INPP5D: variants seen among roughly 807,000 people sequenced by gnomAD.
INPP5D encodes the protein inositol polyphosphate-5-phosphatase D.
INPP5D carries 33 observed loss-of-function variants against 122.9 expected under a neutral mutation model. That is an observed-to-expected ratio of 0.27 (90% CI 0.20 to 0.36). The LOEUF is 0.36. INPP5D is among the 10% of genes least tolerant of loss of function. The pLI, the probability that INPP5D is intolerant of heterozygous loss-of-function variation, is 1.00. For synonymous variants in INPP5D, 584 were observed against 576.2 expected (o/e 1.01, Z -0.19); for missense variants, 1,053 against 1,412.7 (o/e 0.75, Z 4.08).
intron 2 of INPP5D, among the ~76,000 whole-genome samples, chr2:233,102,214 TA>T (rs1692334414): frequency 6.6e-6 from 1 of 152,144 alleles, no homozygotes; most frequent in African/African-American, 2.4e-5. Context: ...TCACAAACAT[TA>T]AAAAATCGGA....
At position 233,183,209 on chromosome 2, in the gene INPP5D, T is replaced by C. The variant is rs931112011; in HGVS notation, c.2161+710T>C. 5.9e-5 allele frequency among the ~76,000 whole-genome samples: 9 copies of C among 152,172 alleles called. No homozygotes were observed. Among genetic ancestry groups the C allele is most frequent in the African/African-American group, 1.9e-4 (8 of 41,436 alleles). ...CTTGGCCTAGGTGACCAGGGAGCCA[T>C]GTTGTCTCTGCCCAGTCTCTGCTTC... is the stretch of plus-strand genomic sequence containing the variant. On this transcript the variant is annotated intron_variant, in intron 19 of 26. Coordinates refer to ENST00000445964, the MANE Select transcript of INPP5D (RefSeq NM_001017915.3). This position sits in a 1 kb window ranked among gnomAD's most constrained non-coding sequence, Gnocchi z 4.6.
chr2:233,193,696 T>C, intron 22 of INPP5D, 116 bp from the exon 23 acceptor site: 1 of 1,553,832 alleles, frequency 6.4e-7, no homozygotes, highest in Non-Finnish European at 8.8e-7. Flanking sequence ...ACGGATTTAT[T>C]AAATAACCCT....
chr2:233,092,812 G>A lies in INPP5D; in HGVS notation c.198+13414G>A, dbSNP rs538465597. Among the ~76,000 whole-genome samples the A allele has an allele frequency of 1.3e-3, 194 of 152,256 alleles. 1 individual carries two copies. The highest frequency in any genetic ancestry group is 4.5e-3 in the African/African-American group (188 of 41,532). On this transcript the variant is annotated intron_variant, in intron 2 of 26. Coordinates refer to ENST00000445964, the MANE Select transcript of INPP5D (RefSeq NM_001017915.3). Reference sequence around the variant, plus strand: ...TTCTTCCATCTTGAGACAGGCCAAGGAGCCCCAGGCCCATCACTGTCAGTG... The same window carrying A: ...TTCTTCCATCTTGAGACAGGCCAAGAAGCCCCAGGCCCATCACTGTCAGTG...
chr2:233,171,707 T>A (rs1268886318), intron 17 of INPP5D, among the ~76,000 whole-genome samples: 1 of 152,230 alleles, frequency 6.6e-6, no homozygotes, highest in Non-Finnish European at 1.5e-5. Flanking sequence ...GATGGCCTAT[T>A]ATGGGTTAGG....
At chr2:233,198,954 AAAC>A (rs1218783830) in intron 25 of INPP5D, among the ~76,000 whole-genome samples, 1 of 145,704 alleles carries the variant, frequency 6.9e-6, no homozygotes, top group Non-Finnish European at 1.5e-5. Context: ...CCGTCTCAAA[AAAC>A]AACAAATTTC....
intron 13 of INPP5D, among the ~76,000 whole-genome samples, chr2:233,167,992 G>A (rs549449601): frequency 2.0e-5 from 2 of 101,970 alleles, no homozygotes; most frequent in Non-Finnish European, 3.5e-5. Context: ...GAGACAGAGT[G>A]AGACTCTGTC....
intron 18 of INPP5D, among the ~76,000 whole-genome samples, chr2:233,179,413 G>A (rs990595505): frequency 6.6e-6 from 1 of 152,268 alleles, no homozygotes; most frequent in African/African-American, 2.4e-5. Flanking sequence ...AGAGTCAGGA[G>A]ATAGTGGAGG....
chr2:233,190,027 C>A, intron 22 of INPP5D, 90 bp downstream of exon 22: 1 of 1,536,328 alleles, frequency 6.5e-7, no homozygotes, highest in African/African-American at 1.4e-5. Context: ...CTGGCACTTC[C>A]GGTCATAGGC....
Position 233,183,859 on chromosome 2 carries a change from A to G in INPP5D, c.2162-549A>G, listed in dbSNP as rs1009032046. 6.6e-6 allele frequency among the ~76,000 whole-genome samples: 1 copy of G among 152,260 alleles called. No individual in the cohort carries two copies. The highest frequency in any genetic ancestry group is 2.4e-5 in the African/African-American group (1 of 41,470). ...TGGCTCAAAATTTCTATGAAAGGAC[A>G]GAACACTTGTTTAAAAGCAGCTTAA... On this transcript the variant is annotated intron_variant, in intron 19 of 26. Coordinates refer to ENST00000445964, the MANE Select transcript of INPP5D (RefSeq NM_001017915.3). The surrounding 1 kb of genome is among the most constrained non-coding windows in gnomAD (Gnocchi z 4.6).
chr2:233,176,315 CGATGGATGGATGGATGGATG>C (rs1009641728), intron 17 of INPP5D, among the ~76,000 whole-genome samples: 2 of 20,646 alleles, frequency 9.7e-5, no homozygotes, highest in Admixed American at 1.4e-3. Flanking sequence ...TGGATGGGTG[CGATGGATGGATGGATGGATG>C]GATGGATGGA....
At chr2:233,072,328 T>C (rs1446021218) in intron 1 of INPP5D, among the ~76,000 whole-genome samples, 2 of 152,202 alleles carry the variant, frequency 1.3e-5, no homozygotes, top group Non-Finnish European at 2.9e-5. Context: ...TAATTTTATA[T>C]ATTTATATTT....
chr2:233,184,835 C>T (rs2106315526), intron 20 of INPP5D, among the ~76,000 whole-genome samples: 1 of 152,250 alleles, frequency 6.6e-6, no homozygotes, highest in Middle Eastern at 3.4e-3. Flanking sequence ...TCCCTGCAAG[C>T]TGGGGCTCTG....
At chr2:233,121,113 CTTTCTTTCTTTTTTTT>C (rs1270503941) in intron 2 of INPP5D, among the ~76,000 whole-genome samples, 9 of 131,232 alleles carry the variant, frequency 6.9e-5, no homozygotes, top group African/African-American at 2.6e-4. Flanking sequence ...TTCTTTCTTT[CTTTCTTTCTTTTTTTT>C]TTTTCTTTTT....
chr2:233,201,857 C>T (rs1286675655), intron 25 of INPP5D, among the ~76,000 whole-genome samples: 1 of 152,192 alleles, frequency 6.6e-6, no homozygotes, highest in Non-Finnish European at 1.5e-5. Flanking sequence ...CAGGAATCAA[C>T]TCGTCCCCTA....
intron 5 of INPP5D, among the ~76,000 whole-genome samples, chr2:233,132,881 A>G (rs1165444210): frequency 3.8e-5 from 5 of 132,830 alleles, no homozygotes; most frequent in African/African-American, 1.4e-4. Context: ...CCAGATGAAC[A>G]AGAATTTTTT....
intron 17 of INPP5D, among the ~76,000 whole-genome samples, chr2:233,174,187 C>T (rs982198835): frequency 2.6e-5 from 4 of 152,214 alleles, no homozygotes; most frequent in Admixed American, 6.5e-5. Flanking sequence ...ATCGTAAACA[C>T]GGAAATGAGT....
At chr2:233,143,788 C>G (rs975589613) in intron 6 of INPP5D, among the ~76,000 whole-genome samples, 1 of 151,886 alleles carries the variant, frequency 6.6e-6, no homozygotes, top group African/African-American at 2.4e-5. Flanking sequence ...TGGTCATGAT[C>G]ATGGGAGGGC....
rs542057174 is a variant in INPP5D at position 233,206,034 on chromosome 2, G to T, written c.3568-672G>T. 1.3e-5 allele frequency among the ~76,000 whole-genome samples: 2 copies of T among 152,090 alleles called. No individual in the cohort carries two copies. Among genetic ancestry groups the T allele is most frequent in the Non-Finnish European group, 2.9e-5 (2 of 68,010 alleles). ...GCGGAGGTTGCAGTGAACCGAGATC[G>T]CAACACTGCACTCCAGCCTGGGCGA... On this transcript the variant is annotated intron_variant, in intron 26 of 26. Coordinates refer to ENST00000445964, the MANE Select transcript of INPP5D (RefSeq NM_001017915.3). The surrounding 1 kb of genome is among the most constrained non-coding windows in gnomAD (Gnocchi z 4.0).
intron 4 of INPP5D, among the ~76,000 whole-genome samples, chr2:233,129,521 T>A (rs1299854378): frequency 2.0e-5 from 3 of 152,234 alleles, no homozygotes; most frequent in Non-Finnish European, 4.4e-5. Flanking sequence ...TGCCTGTGCC[T>A]CTGCCACCAG....
Sources: gnomAD v4.1 joint callset for allele counts (sites outside exome capture counted in the v4.1 genomes callset) on GRCh38, gnomAD v4.1.1 for gene constraint, Gnocchi (gnomAD v3.1) non-coding constraint, MANE v1.5 for transcripts, NCBI Gene and HGNC (gene_info 2026-07-23, HGNC 2026-07-21) for gene names.